The following SV2C variants were observed in gnomAD, a reference collection of about 807,000 sequenced individuals.
SV2C encodes synaptic vesicle glycoprotein 2C, also known as solute carrier family 22 member B3.
SV2C carries 49 observed loss-of-function variants against 79.7 expected under a neutral mutation model. The ratio of observed to expected loss-of-function variants is 0.61; its 90% confidence interval spans 0.49 to 0.78. SV2C has a LOEUF of 0.78. SV2C is among the 30% of genes least tolerant of loss of function. The probability of loss-of-function intolerance (pLI) is 0.00; values close to 1 mark genes in which losing one functional copy is unlikely to be tolerated. For missense variants in SV2C, 833 were observed against 912.9 expected, an observed-to-expected ratio of 0.91 and a Z score of 1.13; for synonymous variants, 334 against 333.2, an observed-to-expected ratio of 1.00 and a Z score of -0.03.
the SV2C span, among the ~76,000 whole-genome samples, chr5:75,867,696 G>A: frequency 1.3e-5 from 2 of 152,148 alleles, no homozygotes; most frequent in Non-Finnish European, 2.9e-5. Flanking sequence ...TAGATCTTTG[G>A]AATGTTCCTT....
chr5:76,336,453 C>T (rs886377583), downstream of SV2C, among the ~76,000 whole-genome samples: 4 of 152,000 alleles, frequency 2.6e-5, no homozygotes, highest in African/African-American at 7.2e-5. Flanking sequence ...AGACGATGGG[C>T]GGCCAGGCAG....
intron 4 of SV2C, among the ~76,000 whole-genome samples, chr5:76,216,967 C>T (rs184441446): frequency 6.6e-6 from 1 of 152,296 alleles, no homozygotes; most frequent in Non-Finnish European, 1.5e-5. Flanking sequence ...AATTCATGTG[C>T]GCATCAGATG....
chr5:75,924,195 G>C, the SV2C span, among the ~76,000 whole-genome samples: 1 of 152,098 alleles, frequency 6.6e-6, no homozygotes, highest in Admixed American at 6.6e-5. Context: ...CTTAGAAGTG[G>C]GAGCTAAACT....
At chr5:76,188,645 C>T (rs1278790994) in intron 2 of SV2C, among the ~76,000 whole-genome samples, 1 of 152,204 alleles carries the variant, frequency 6.6e-6, no homozygotes, top group Non-Finnish European at 1.5e-5. Flanking sequence ...CTTCTCAGCA[C>T]TATTAATGAA....
At chr5:76,337,884 C>G (rs181175311), downstream of SV2C, among the ~76,000 whole-genome samples, 4 of 152,276 alleles carry the variant, frequency 2.6e-5, no homozygotes, top group Admixed American at 2.6e-4. Context: ...CATCCTTCCT[C>G]TCCCTACACC....
chr5:76,181,471 A>C (rs1743729714), intron 2 of SV2C, among the ~76,000 whole-genome samples: 1 of 152,256 alleles, frequency 6.6e-6, no homozygotes, highest in Non-Finnish European at 1.5e-5. Context: ...ATTTATGAAG[A>C]AAAGAGTTTT....
chr5:76,338,497 C>T (rs1173712997), downstream of SV2C, among the ~76,000 whole-genome samples: 3 of 152,128 alleles, frequency 2.0e-5, no homozygotes, highest in African/African-American at 4.8e-5. Context: ...TATAAGTTGC[C>T]CCACCCCTTT....
chr5:76,130,181 G>A (rs866785497), intron 1 of SV2C, among the ~76,000 whole-genome samples: 1,340 of 69,130 alleles, frequency 0.019, 22 homozygotes, highest in Middle Eastern at 0.05. Flanking sequence ...AAAAAAAAAA[G>A]AGCTGGGGGA....
chr5:76,174,298 T>C (rs1415590882), intron 2 of SV2C: 3 of 994,154 alleles, frequency 3.0e-6, no homozygotes, highest in Admixed American at 2.3e-5. Flanking sequence ...GCCACGGCGG[T>C]CCTGCCGCTG....
the SV2C span, among the ~76,000 whole-genome samples, chr5:76,056,340 G>T: frequency 6.6e-6 from 1 of 152,172 alleles, no homozygotes; most frequent in East Asian, 1.9e-4. Context: ...CAGGAATGAA[G>T]TCGACTTGAT....
At chr5:76,134,856 A>G (rs1251988677) in intron 2 of SV2C, among the ~76,000 whole-genome samples, 2 of 152,240 alleles carry the variant, frequency 1.3e-5, no homozygotes, top group African/African-American at 4.8e-5. Flanking sequence ...TTTATTAAGC[A>G]CTTACTGTGT....
rs17651853 is a variant in SV2C at position 76,331,351 on chromosome 5, G to A, written c.*5804G>A. 4,928 of 152,338 alleles carry A rather than the reference G, an allele frequency of 0.032. 106 individuals are homozygous for A. The highest frequency in any genetic ancestry group is 0.071 in the Middle Eastern group (21 of 294). 9.4% of individuals were successfully genotyped at this position (152,338 alleles called of 1,614,324 possible). On this transcript the variant is annotated 3_prime_UTR_variant, in exon 13 of 13. Transcript: ENST00000502798. ...TTTCTGATTTTGAAGATTTGTGGGT[G>A]AGTCAATTATCTTTGCAGACATCCT...
chr5:75,952,996 A>C, the SV2C span, among the ~76,000 whole-genome samples: 1 of 151,978 alleles, frequency 6.6e-6, no homozygotes, highest in South Asian at 2.1e-4. Context: ...TTGTGTTGCT[A>C]TAAAAGAATA....
At chr5:76,276,722 T>C (rs999375629) in intron 4 of SV2C, among the ~76,000 whole-genome samples, 4 of 150,324 alleles carry the variant, frequency 2.7e-5, no homozygotes, top group Non-Finnish European at 5.9e-5. Flanking sequence ...ACTAGCTTTT[T>C]TCTTCCTTTC....
chr5:75,897,431 C>T, the SV2C span, among the ~76,000 whole-genome samples: 1 of 151,528 alleles, frequency 6.6e-6, no homozygotes, highest in Non-Finnish European at 1.5e-5. Context: ...ATCTATATCT[C>T]TGTTTTAGTA....
At position 76,194,949 on chromosome 5, in the gene SV2C, G is replaced by A; in HGVS notation, c.611G>A (p.Gly204Glu). 1.2e-6 allele frequency: 2 copies of A among 1,614,036 alleles called. No individual in the cohort carries two copies. Among genetic ancestry groups the A allele is most frequent in the Non-Finnish European group, 1.7e-6 (2 of 1,179,948 alleles). The change falls in exon 3 of 13, where the codon GGG becomes GAG. Residue 204 changes from glycine to glutamate, a missense_variant. Coordinates refer to ENST00000502798, the MANE Select transcript of SV2C (RefSeq NM_014979.4). ...GSIVYLGMMV[G>E]AFFWGGLADK... ...ATAGTGTACCTCGGGATGATGGTGG[G>A]GGCGTTCTTCTGGGGAGGACTGGCA...
At chr5:76,137,420 G>T (rs1749103516) in intron 2 of SV2C, among the ~76,000 whole-genome samples, 1 of 152,164 alleles carries the variant, frequency 6.6e-6, no homozygotes, top group Admixed American at 6.5e-5. Flanking sequence ...AAGGCATTGG[G>T]CAGGTACAGG....
intron 2 of SV2C, among the ~76,000 whole-genome samples, chr5:76,156,388 A>G (rs898601659): frequency 6.6e-6 from 1 of 152,172 alleles, no homozygotes; most frequent in African/African-American, 2.4e-5. Flanking sequence ...CTAAAGAAAT[A>G]AACAAATCAC....
the SV2C span, among the ~76,000 whole-genome samples, chr5:75,980,957 G>A: frequency 2.6e-5 from 4 of 152,298 alleles, no homozygotes; most frequent in South Asian, 2.1e-4. Context: ...CCTATAGCTA[G>A]AAAGCCCCAT....
Sources: gnomAD v4.1 joint callset for allele counts (sites outside exome capture counted in the v4.1 genomes callset) on GRCh38, gnomAD v4.1.1 for gene constraint, MANE v1.5 for transcripts, NCBI Gene and HGNC (gene_info 2026-07-23, HGNC 2026-07-21) for gene names.